CACNA1F: variants seen among roughly 807,000 people sequenced by gnomAD.
CACNA1F encodes voltage-dependent L-type calcium channel subunit alpha-1F.
A neutral mutation model predicts 143.8 loss-of-function variants in CACNA1F; 59 were observed. The observed-to-expected ratio is 0.41, with a 90% CI of 0.33 to 0.51. The LOEUF (loss-of-function observed/expected upper bound fraction) is 0.51, where lower values mean the gene tolerates loss of function less well. Ranked by LOEUF, CACNA1F falls within the 20% of genes least tolerant of loss-of-function variation. CACNA1F has a pLI of 0.22. For synonymous variants in CACNA1F, 643 were observed against 649.1 expected, an observed-to-expected ratio of 0.99 and a Z score of 0.14; for missense variants, 1,411 against 1,647.5, an observed-to-expected ratio of 0.86 and a Z score of 2.48.
chrX:49,225,070 C>T (rs1419668532), intron 13 of CACNA1F, 84 bp from the exon 14 acceptor site: 3 of 620,059 alleles, frequency 4.8e-6, no homozygotes, highest in Non-Finnish European at 8.0e-6. Flanking sequence ...ATGGGGTGAC[C>T]CACGGTAGCT....
chrX:49,220,669 G>T (rs2065766468), intron 18 of CACNA1F, 145 bp from the exon 19 acceptor site: 1 of 540,880 alleles, frequency 1.8e-6, no homozygotes. Context: ...GGGCGCAGTG[G>T]CTCATGCCTG....
chrX:49,220,520 G>A lies in CACNA1F; in HGVS notation c.2339C>T (p.Pro780Leu). ...DLPQENEGLV[P>L]GVEKEEEEGA... ...CTCCTCTTCCTCTTTCTCCACACCA[G>A]GCACCTGAGGACAGGAAGACGGGAG... Residue 780 changes from proline to leucine, a missense_variant, in exon 19 of 48, where the codon CCT becomes CTT. Pro to Leu is a moderately conservative substitution (Grantham distance 98). Around this residue, in one of 3 missense-constraint regions of CACNA1F, gnomAD observed 950 missense variants for 1,128.1 expected, o/e 0.84. Coordinates refer to ENST00000323022, the MANE Select transcript of CACNA1F (RefSeq NM_001256789.3). The A allele has an allele frequency of 8.3e-7, 1 of 1,206,075 alleles. No homozygotes were observed. The highest frequency in any genetic ancestry group is 1.1e-6 in the Non-Finnish European group (1 of 890,873).
In CACNA1F at chrX:49,223,012, C is replaced by A; in HGVS notation, c.2002G>T (p.Gly668Trp). Residue 668 changes from glycine (G) to tryptophan (W), a missense_variant, in exon 15 of 48, where the codon GGG (glycine) becomes TGG (tryptophan). Physicochemically the swap from Gly to Trp is radical, Grantham distance 184 (BLOSUM62 -2). Around this residue, in one of 3 missense-constraint regions of CACNA1F, gnomAD observed 950 missense variants for 1,128.1 expected, o/e 0.84. Coordinates refer to ENST00000323022, the MANE Select transcript of CACNA1F (RefSeq NM_001256789.3). The stretch of plus-strand genomic sequence containing the variant: ...GTCTGGTCAAAGTTGAACTTGCCCC[C>A]AAACAGCTGCATGCCAAGCAGGGAG... Reference protein sequence around the residue: ...IFSLLGMQLFGGKFNFDQTHT... With the variant: ...IFSLLGMQLFWGKFNFDQTHT... 1 of 1,199,200 alleles carries A rather than the reference C, an allele frequency of 8.3e-7. No individual in the cohort carries two copies. The highest frequency in any genetic ancestry group is 1.7e-5 in the African/African-American group (1 of 57,321).
chrX:49,232,225 G>T (rs1269100956), intron 1 of CACNA1F, among the ~76,000 whole-genome samples: 1 of 111,410 alleles, frequency 9.0e-6, no homozygotes, highest in Non-Finnish European at 1.9e-5. Flanking sequence ...AATTTGAGTG[G>T]TGGGTTTTGG....
At chrX:49,211,145 G>A in intron 36 of CACNA1F, 53 bp from the exon 37 acceptor site, 1 of 1,181,340 alleles carries the variant, frequency 8.5e-7, no homozygotes, top group South Asian at 1.8e-5. Context: ...ACACTGTCAT[G>A]GACGGATGGT....
Position 49,206,520 on chromosome X carries a change from A to G in CACNA1F, c.5463T>C (p.Asn1821=), listed in dbSNP as rs987459067. ...TYHRGRNSGP[N]RAQGSWATPP... Reference sequence around the variant, plus strand: ...ACCTCCACAGCCTCACCTGAGCCCTATTGGGCCCTGAATTTCGCCCACGAT... The same window carrying G: ...ACCTCCACAGCCTCACCTGAGCCCTGTTGGGCCCTGAATTTCGCCCACGAT... The change falls in exon 46 of 48, where the codon AAT becomes AAC. Residue 1821 remains asparagine (N), a synonymous_variant. Coordinates refer to ENST00000323022, the MANE Select transcript of CACNA1F (RefSeq NM_001256789.3). 3.3e-5 allele frequency: 39 copies of G among 1,191,120 alleles called. No homozygotes were observed. The highest frequency in any genetic ancestry group is 4.3e-5 in the Non-Finnish European group (38 of 878,065).
intron 14 of CACNA1F, among the ~76,000 whole-genome samples, chrX:49,224,035 G>A (rs1264626158): frequency 1.8e-5 from 2 of 111,535 alleles, no homozygotes; most frequent in African/African-American, 6.5e-5. Flanking sequence ...TCCAGCCTAG[G>A]ATGGAGGTTT....
intron 24 of CACNA1F, 78 bp from the exon 25 acceptor site, chrX:49,218,083 C>T: frequency 1.4e-6 from 1 of 719,562 alleles, no homozygotes; most frequent in Non-Finnish European, 2.2e-6. Flanking sequence ...GTCATAGATG[C>T]AGCTGAGGGA....
intron 31 of CACNA1F, 58 bp downstream of exon 31, chrX:49,213,761 T>G: frequency 1.2e-6 from 1 of 838,273 alleles, no homozygotes; most frequent in Non-Finnish European, 1.8e-6. Flanking sequence ...AACCCCGGGA[T>G]AGAGGTGAGG....
intron 20 of CACNA1F, 22 bp downstream of exon 20, chrX:49,219,612 C>T (rs1557108353): frequency 3.4e-6 from 4 of 1,193,645 alleles, no homozygotes; most frequent in Non-Finnish European, 3.4e-6. Context: ...CTGCCTCACC[C>T]CCTGCCACTT....
chrX:49,230,117 G>A, intron 6 of CACNA1F, 103 bp downstream of exon 6: 1 of 724,234 alleles, frequency 1.4e-6, no homozygotes, highest in East Asian at 3.5e-5. Flanking sequence ...CTGAGCCTGG[G>A]GGCCGAATCT....
intron 14 of CACNA1F, among the ~76,000 whole-genome samples, chrX:49,223,921 A>G (rs2065799387): frequency 9.1e-6 from 1 of 109,392 alleles, no homozygotes; most frequent in Non-Finnish European, 1.9e-5. Flanking sequence ...TTTAGTAGAG[A>G]CGGGGTTTCA....
rs1557105686 is a variant in CACNA1F, at chrX:49,209,398, G to A, written c.4822-5C>T. 1 of 1,207,698 alleles carries A rather than the reference G, an allele frequency of 8.3e-7. No homozygotes were observed. Among genetic ancestry groups the A allele is most frequent in the African/African-American group, 1.7e-5 (1 of 57,190 alleles). ...CTGCAGGCTCCGCAGACCAGCCTGT[G>A]GGGGTGGAGAAATAGGTAAGCAGGC... On this transcript the variant is annotated splice_polypyrimidine_tract_variant and splice_region_variant and intron_variant, in intron 41 of 47. Coordinates refer to ENST00000323022, the MANE Select transcript of CACNA1F (RefSeq NM_001256789.3).
chrX:49,231,340 G>T, intron 2 of CACNA1F, 33 bp from the exon 3 acceptor site: 1 of 1,010,436 alleles, frequency 9.9e-7, no homozygotes, highest in Non-Finnish European at 1.4e-6. Context: ...CCCTGGCAGA[G>T]TGGCATTGGA....
chrX:49,225,795 TA>T (rs1432878195), intron 13 of CACNA1F, 113 bp downstream of exon 13: 17 of 521,633 alleles, frequency 3.3e-5, no homozygotes, highest in Non-Finnish European at 4.9e-5. Context: ...TTTATTTGGG[TA>T]GGGGGGAAGG....
intron 14 of CACNA1F, among the ~76,000 whole-genome samples, chrX:49,223,530 C>T (rs1286321392): frequency 7.1e-5 from 6 of 84,593 alleles, no homozygotes; most frequent in East Asian, 8.8e-4. Context: ...ACCCAGGAGG[C>T]GGAGCTTGCA....
intron 17 of CACNA1F, among the ~76,000 whole-genome samples, chrX:49,221,708 G>A (rs1205406089): frequency 4.7e-5 from 5 of 106,675 alleles, no homozygotes; most frequent in Admixed American, 9.8e-5. Flanking sequence ...GGTCAGGTGC[G>A]GTGGCTCACG....
chrX:49,231,553 A>T (rs781956127), intron 2 of CACNA1F, 125 bp downstream of exon 2: 353 of 934,342 alleles, frequency 3.8e-4, no homozygotes, highest in Non-Finnish European at 4.6e-4. Context: ...CTGCCCCCCA[A>T]CCCAGTTCTT....
rs112450928 is a variant in CACNA1F at position 49,219,765 on chromosome X, T to TTCC, written c.2409_2411dup (p.Glu814dup). 36,465 of 1,103,679 alleles carry TTCC rather than the reference T, an allele frequency of 0.033. 1,880 individuals are homozygous for TTCC. Among genetic ancestry groups the TTCC allele is most frequent in the African/African-American group, 0.29 (14,610 of 51,078 alleles). 91.0% of individuals were successfully genotyped at this position (1,103,679 alleles called of 1,213,427 possible). A position where few individuals can be genotyped will look rare whatever the true frequency, so the allele number is the denominator to read the frequency against. On this transcript the variant is annotated inframe_insertion, in exon 20 of 48. Coordinates refer to ENST00000323022, the MANE Select transcript of CACNA1F (RefSeq NM_001256789.3). ...CCTCTTCTTCCTCTTCTTCCTCTTCTTCCTCCTCCTCCTCCTCCTCCATGT... is the reference window on the plus strand; with the variant it reads ...CCTCTTCTTCCTCTTCTTCCTCTTCTTCCTCCTCCTCCTCCTCCTCCTCCATGT...
Sources: gnomAD v4.1 joint callset for allele counts (sites outside exome capture counted in the v4.1 genomes callset) on GRCh38, gnomAD v4.1.1 for gene constraint, gnomAD v4.1.1 regional missense constraint, MANE v1.5 for transcripts, NCBI Gene and HGNC (gene_info 2026-07-23, HGNC 2026-07-21) for gene names.